Variants in FAM107B observed in about 807,000 individuals in gnomAD.
FAM107B encodes the protein family with sequence similarity 107 member B.
In FAM107B, 21 loss-of-function variants were observed where a neutral mutation model predicts 31.5. The observed-to-expected ratio is 0.67, with a 90% CI of 0.47 to 0.96. The LOEUF is 0.96. Ranked by LOEUF, FAM107B falls within the 40% of genes least tolerant of loss-of-function variation. The pLI, the probability that FAM107B is intolerant of heterozygous loss-of-function variation, is 0.00. For synonymous variants in FAM107B, 157 were observed against 141.5 expected, an observed-to-expected ratio of 1.11 and a Z score of -0.78; for missense variants, 452 against 377.1, an observed-to-expected ratio of 1.20 and a Z score of -1.64.
chr10:14,531,020 T>G (rs1445489056), intron 2 of FAM107B, among the ~76,000 whole-genome samples: 1 of 152,146 alleles, frequency 6.6e-6, no homozygotes, highest in Non-Finnish European at 1.5e-5. Flanking sequence ...ATAAATCTGT[T>G]TACCAGATAC....
At chr10:14,616,054 T>C (rs1043662892) in intron 2 of FAM107B, among the ~76,000 whole-genome samples, 2 of 152,224 alleles carry the variant, frequency 1.3e-5, no homozygotes, top group African/African-American at 2.4e-5. Context: ...GTAACAATTA[T>C]TTTAAAACTT....
intron 2 of FAM107B, among the ~76,000 whole-genome samples, chr10:14,580,478 C>T (rs1851601086): frequency 6.6e-6 from 1 of 151,660 alleles, no homozygotes; most frequent in Admixed American, 6.6e-5. Context: ...TCCTGGGGGC[C>T]AGGACCAAAA....
intron 1 of FAM107B, among the ~76,000 whole-genome samples, chr10:14,710,662 C>A (rs1288660520): frequency 6.6e-6 from 1 of 151,994 alleles, no homozygotes; most frequent in Admixed American, 6.6e-5. Flanking sequence ...CCTGTGTTGG[C>A]CTGGGCTCAT....
At chr10:14,687,253 C>A (rs1388998288) in intron 1 of FAM107B, among the ~76,000 whole-genome samples, 4 of 152,196 alleles carry the variant, frequency 2.6e-5, no homozygotes, top group African/African-American at 9.7e-5. Flanking sequence ...ATCCACACTT[C>A]CCCGGGCTTC....
rs1015612 is a variant in FAM107B at position 14,611,709 on chromosome 10, G to A, written c.469+55925C>T. 1.7e-3 allele frequency among the ~76,000 whole-genome samples: 259 copies of A among 151,746 alleles called. 3 individuals are homozygous for A. Among genetic ancestry groups the A allele is most frequent in the African/African-American group, 4.8e-3 (197 of 41,406 alleles). ...TATTTCTGTAGTCCAGAAGTGGCAC[G>A]GCTGCATTCTCTGCTGAAGGCCTCC... On this transcript the variant is annotated intron_variant, in intron 2 of 4. Coordinates refer to ENST00000181796, the MANE Select transcript of FAM107B (RefSeq NM_031453.4).
In FAM107B at chr10:14,636,463, G is replaced by A. The variant is rs145736972; in HGVS notation, c.469+31171C>T. Among the ~76,000 whole-genome samples the A allele has an allele frequency of 8.4e-3, 1,273 of 152,212 alleles. 7 individuals are homozygous for A. Among genetic ancestry groups the A allele is most frequent in the African/African-American group, 0.029 (1,222 of 41,548 alleles). On this transcript the variant is annotated intron_variant, in intron 2 of 4. Transcript: ENST00000181796. ...CTATTTAATAACTCAACGTAATGATGTTACATTTTAGAATAAGAACCAAGG... is the reference window on the plus strand; with the variant it reads ...CTATTTAATAACTCAACGTAATGATATTACATTTTAGAATAAGAACCAAGG...
At chr10:14,653,534 G>C (rs1409405018) in intron 2 of FAM107B, among the ~76,000 whole-genome samples, 2 of 152,142 alleles carry the variant, frequency 1.3e-5, no homozygotes, top group Non-Finnish European at 2.9e-5. Flanking sequence ...CCCATGGTTC[G>C]GGAACTTTTC....
rs548488782 is a variant in FAM107B at position 14,605,486 on chromosome 10, T to C, written c.469+62148A>G. Among the ~76,000 whole-genome samples, 3 of 152,344 alleles carry C rather than the reference T, an allele frequency of 2.0e-5. No homozygotes were observed. In the South Asian group the frequency reaches 6.2e-4, roughly 32 times the overall value. On this transcript the variant is annotated intron_variant, in intron 2 of 4. Coordinates refer to ENST00000181796, the MANE Select transcript of FAM107B (RefSeq NM_031453.4). ...TTATTTATGGGGAAATTTTTCTGACTAAGACAGTTTGGGTCATAGTCATAC... is the reference window on the plus strand; with the variant it reads ...TTATTTATGGGGAAATTTTTCTGACCAAGACAGTTTGGGTCATAGTCATAC...
chr10:14,530,495 C>G lies in FAM107B; in HGVS notation c.490G>C (p.Asp164His). Residue 164 changes from aspartate to histidine, a missense_variant, in exon 3 of 5, where the codon GAC (aspartate) becomes CAC (histidine). By Grantham distance (81) the Asp-to-His change is moderately conservative. Coordinates refer to ENST00000181796, the MANE Select transcript of FAM107B (RefSeq NM_031453.4). ...GTAATGAGATATGAGTCCTTATGGT[C>G]AATATCCTCAGGTGGGCTGTCTGAA... ...MTSDSPPEDI[D>H]HKDSYLITRS... The G allele has an allele frequency of 6.2e-7, 1 of 1,613,034 alleles. No individual in the cohort carries two copies.
intron 1 of FAM107B, among the ~76,000 whole-genome samples, chr10:14,684,897 G>A (rs1209921933): frequency 2.0e-5 from 3 of 150,534 alleles, no homozygotes; most frequent in African/African-American, 4.9e-5. Flanking sequence ...CTTGGCTCAC[G>A]GCAGCCTCAA....
At chr10:14,767,079 GA>G (rs1833192689) in intron 1 of FAM107B, among the ~76,000 whole-genome samples, 3 of 97,318 alleles carry the variant, frequency 3.1e-5, no homozygotes, top group African/African-American at 1.3e-4. Flanking sequence ...GAGAGAGAGA[GA>G]GAGAGAGAGA....
intron 3 of FAM107B, among the ~76,000 whole-genome samples, chr10:14,526,462 C>A (rs530789183): frequency 6.6e-6 from 1 of 152,290 alleles, no homozygotes; most frequent in South Asian, 2.1e-4. Flanking sequence ...AGGCGTGAGC[C>A]GCCGCGCTGG....
chr10:14,583,363 G>T (rs760460033), intron 2 of FAM107B, among the ~76,000 whole-genome samples: 2 of 152,132 alleles, frequency 1.3e-5, no homozygotes, highest in Non-Finnish European at 2.9e-5. Flanking sequence ...TGAAGATACT[G>T]CAGGGAAAGT....
At position 14,572,401 on chromosome 10, in the gene FAM107B, A is replaced by T. The variant is rs1415344411; in HGVS notation, c.470-41886T>A. 1.4e-5 allele frequency: 14 copies of T among 985,254 alleles called. No individual in the cohort carries two copies. The South Asian group carries it at 5.6e-4, about 40-fold the overall frequency. 61.0% of individuals were successfully genotyped at this position (985,254 alleles called of 1,614,324 possible). On this transcript the variant is annotated intron_variant, in intron 2 of 4. Coordinates refer to ENST00000181796, the MANE Select transcript of FAM107B (RefSeq NM_031453.4). ...AGGAAGCATGCGTGAGTCAACCTCCAATTGGAGGAGGACAAGTTCTCGCAC... is the reference window on the plus strand; with the variant it reads ...AGGAAGCATGCGTGAGTCAACCTCCTATTGGAGGAGGACAAGTTCTCGCAC...
At chr10:14,535,231 G>C (rs1356562421) in intron 2 of FAM107B, among the ~76,000 whole-genome samples, 1 of 152,118 alleles carries the variant, frequency 6.6e-6, no homozygotes, top group Non-Finnish European at 1.5e-5. Context: ...CTCAGTGAAG[G>C]AGAAATAAAA....
chr10:14,744,323 A>G (rs1478151663), intron 1 of FAM107B, among the ~76,000 whole-genome samples: 1 of 152,102 alleles, frequency 6.6e-6, no homozygotes, highest in Non-Finnish European at 1.5e-5. Flanking sequence ...CTCTCTTCCT[A>G]TTTGAATACC....
intron 2 of FAM107B, among the ~76,000 whole-genome samples, chr10:14,558,749 A>C (rs902663628): frequency 1.3e-5 from 2 of 152,170 alleles, no homozygotes; most frequent in East Asian, 3.9e-4. Context: ...GACCACCTAT[A>C]GTTTCTGGCT....
intron 2 of FAM107B, among the ~76,000 whole-genome samples, chr10:14,607,594 C>G (rs535915110): frequency 5.9e-5 from 9 of 152,100 alleles, no homozygotes; most frequent in Non-Finnish European, 4.4e-5. Flanking sequence ...AACACCAGAC[C>G]CTCAGCCCGA....
At chr10:14,680,174 T>C (rs1404141778) in intron 1 of FAM107B, among the ~76,000 whole-genome samples, 2 of 152,142 alleles carry the variant, frequency 1.3e-5, no homozygotes, top group Admixed American at 6.5e-5. Flanking sequence ...GGTGGAAGTC[T>C]TACATTCTTG....
Sources: gnomAD v4.1 joint callset for allele counts (sites outside exome capture counted in the v4.1 genomes callset) on GRCh38, gnomAD v4.1.1 for gene constraint, MANE v1.5 for transcripts, NCBI Gene and HGNC (gene_info 2026-07-23, HGNC 2026-07-21) for gene names.